Variants in AMOTL1 observed in about 807,000 individuals in gnomAD.
AMOTL1 encodes angiomotin-like protein 1.
Under a neutral mutation model 102.9 loss-of-function variants are expected in AMOTL1, and 45 were observed. That is an observed-to-expected ratio of 0.44 (90% CI 0.34 to 0.56). AMOTL1 has a LOEUF of 0.56. AMOTL1 is among the 20% of genes least tolerant of loss of function. The pLI is 0.01. For synonymous variants in AMOTL1, 481 were observed against 484.7 expected (o/e 0.99, Z 0.10); for missense variants, 1,114 against 1,225.6 (o/e 0.91, Z 1.36).
chr11:94,864,132 T>A (rs1316255771), intron 9 of AMOTL1, among the ~76,000 whole-genome samples: 2 of 152,176 alleles, frequency 1.3e-5, no homozygotes, highest in Non-Finnish European at 2.9e-5. Flanking sequence ...TGTAAAATAC[T>A]GAAGTAGGCA....
At chr11:94,740,935 C>G in intron 2 of AMOTL1, 1 of 1,289,086 alleles carries the variant, frequency 7.8e-7, no homozygotes, top group Non-Finnish European at 1.0e-6. Context: ...TCTTCTCCCC[C>G]AGACAGTGAG....
chr11:94,808,552 G>A (rs1243335900), intron 3 of AMOTL1, among the ~76,000 whole-genome samples: 1 of 152,054 alleles, frequency 6.6e-6, no homozygotes, highest in Non-Finnish European at 1.5e-5. Context: ...AATATATTGA[G>A]TGTGGCTTGC....
At chr11:94,757,982 AACC>A (rs1262707817) in intron 3 of AMOTL1, among the ~76,000 whole-genome samples, 1 of 152,222 alleles carries the variant, frequency 6.6e-6, no homozygotes, top group African/African-American at 2.4e-5. Flanking sequence ...GAATAACTTG[AACC>A]AGGGAGGCAG....
At chr11:94,825,961 G>A (rs1223595526) in intron 4 of AMOTL1, among the ~76,000 whole-genome samples, 6 of 152,168 alleles carry the variant, frequency 3.9e-5, no homozygotes, top group African/African-American at 1.2e-4. Context: ...GGAAAATGTA[G>A]TTAGGAAATG....
At chr11:94,716,607 C>T (rs1166062775) in intron 1 of AMOTL1, among the ~76,000 whole-genome samples, 2 of 152,074 alleles carry the variant, frequency 1.3e-5, no homozygotes, top group Non-Finnish European at 2.9e-5. Flanking sequence ...TCTTCTGCTG[C>T]TATTTGGGCT....
intron 12 of AMOTL1, among the ~76,000 whole-genome samples, chr11:94,870,377 C>A (rs73520313): frequency 0.062 from 9,389 of 152,222 alleles, 527 homozygotes; most frequent in African/African-American, 0.15. Flanking sequence ...GCCAGAGAAC[C>A]TGTCAAAAGT....
At chr11:94,800,407 A>T (rs2135574438) in intron 3 of AMOTL1, 96 bp downstream of exon 3, 1 of 1,370,334 alleles carries the variant, frequency 7.3e-7, no homozygotes, top group Non-Finnish European at 9.8e-7. Flanking sequence ...GGTTTTTGTC[A>T]TCAGGCTTTT....
At chr11:94,821,387 G>A in intron 3 of AMOTL1, 143 bp from the exon 4 acceptor site, 1 of 843,068 alleles carries the variant, frequency 1.2e-6, no homozygotes, top group South Asian at 1.8e-5. Context: ...ATTGAGATGG[G>A]AGCACAGTGA....
At chr11:94,771,909 T>C (rs983211588) in intron 1 of AMOTL1, among the ~76,000 whole-genome samples, 2 of 152,212 alleles carry the variant, frequency 1.3e-5, no homozygotes, top group African/African-American at 4.8e-5. Flanking sequence ...ATTTAAGTTT[T>C]CAAAAACTGT....
intron 7 of AMOTL1, among the ~76,000 whole-genome samples, chr11:94,851,660 C>T (rs73518568): frequency 0.087 from 13,307 of 152,184 alleles, 993 homozygotes; most frequent in African/African-American, 0.2. Context: ...GTCACGTAAC[C>T]TTGAAGACTT....
intron 2 of AMOTL1, among the ~76,000 whole-genome samples, chr11:94,737,294 T>C (rs1042988356): frequency 3.3e-5 from 5 of 152,212 alleles, no homozygotes; most frequent in Non-Finnish European, 5.9e-5. Context: ...AAACTAAAAG[T>C]TGGAGACAAC....
chr11:94,819,175 G>A (rs1951818856), intron 3 of AMOTL1, among the ~76,000 whole-genome samples: 2 of 152,124 alleles, frequency 1.3e-5, no homozygotes, highest in Admixed American at 1.3e-4. Flanking sequence ...CTTATAAAAT[G>A]CTTTTTTGGA....
intron 1 of AMOTL1, among the ~76,000 whole-genome samples, chr11:94,790,932 G>C (rs1168048598): frequency 6.6e-6 from 1 of 152,124 alleles, no homozygotes; most frequent in African/African-American, 2.4e-5. Context: ...GCCTCCCCCA[G>C]ACAACTCACT....
Position 94,799,997 on chromosome 11 carries a change from C to G in AMOTL1, c.807C>G (p.Ser269=). The change falls in exon 3 of 13, where the codon TCC becomes TCG. Residue 269 remains serine (S), a synonymous_variant. Transcript: ENST00000433060. This position sits in a 1 kb window ranked among gnomAD's most constrained non-coding sequence, Gnocchi z 4.5. The stretch of plus-strand genomic sequence containing the variant: ...TCAGCGAGAGAATCATGCAGCTGTC[C>G]CTGGAGAGGAATGGGGCCAAGCAAC... ...RSLSERIMQL[S]LERNGAKQHL... 1 of 1,614,012 alleles carries G rather than the reference C, an allele frequency of 6.2e-7. No homozygotes were observed. The highest frequency in any genetic ancestry group is 8.5e-7 in the Non-Finnish European group (1 of 1,179,900).
chr11:94,815,068 G>A (rs1256328063), intron 3 of AMOTL1, among the ~76,000 whole-genome samples: 1 of 152,068 alleles, frequency 6.6e-6, no homozygotes, highest in Non-Finnish European at 1.5e-5. Context: ...AAGTTTATGT[G>A]ACTTAAGTAA....
At position 94,870,726 on chromosome 11, in the gene AMOTL1, A is replaced by G. The variant is rs751085295; in HGVS notation, c.2802A>G (p.Arg934=). 28 of 1,604,406 alleles carry G rather than the reference A, an allele frequency of 1.7e-5. No homozygotes were observed. The highest frequency in any genetic ancestry group is 6.8e-6 in the Non-Finnish European group (8 of 1,174,870). The part of the protein sequence containing the change: ...SPGHGKSPDH[R]GRVSSLLHKP... ...GCCATGGGAAGTCGCCTGACCACAG[A>G]GGCCGGGTCAGCAGCTTGCTGCACA... Residue 934 remains arginine (R), a synonymous_variant, in exon 13 of 13, where the codon AGA becomes AGG. Transcript: ENST00000433060.
chr11:94,742,660 C>T (rs987394646), intron 3 of AMOTL1, among the ~76,000 whole-genome samples: 5 of 152,180 alleles, frequency 3.3e-5, no homozygotes, highest in Non-Finnish European at 7.3e-5. Context: ...CCCAGTTTCT[C>T]ATGAGGAGAT....
chr11:94,734,058 GC>G (rs1950398488), intron 2 of AMOTL1, among the ~76,000 whole-genome samples: 1 of 152,164 alleles, frequency 6.6e-6, no homozygotes, highest in Non-Finnish European at 1.5e-5. Context: ...AAAACACCTT[GC>G]TTTTGTTGAT....
intron 4 of AMOTL1, among the ~76,000 whole-genome samples, chr11:94,823,460 C>T (rs1444100796): frequency 1.3e-5 from 2 of 152,106 alleles, no homozygotes; most frequent in Non-Finnish European, 2.9e-5. Context: ...CCCAAGCTTG[C>T]CTCTGTCATT....
Sources: gnomAD v4.1 joint callset for allele counts (sites outside exome capture counted in the v4.1 genomes callset) on GRCh38, gnomAD v4.1.1 for gene constraint, Gnocchi (gnomAD v3.1) non-coding constraint, MANE v1.5 for transcripts, NCBI Gene and HGNC (gene_info 2026-07-23, HGNC 2026-07-21) for gene names.